The following SSBP3 variants were observed in gnomAD, a reference collection of about 807,000 sequenced individuals.
SSBP3 encodes the protein single stranded DNA binding protein 3, also known as single-stranded DNA-binding protein 3.
In SSBP3, 5 loss-of-function variants were observed where a neutral mutation model predicts 69.6. The ratio of observed to expected loss-of-function variants is 0.07; its 90% confidence interval spans 0.04 to 0.15. The LOEUF (loss-of-function observed/expected upper bound fraction) is 0.15. SSBP3 is among the 10% of genes least tolerant of loss of function. SSBP3 has a pLI of 1.00. For missense variants in SSBP3, 312 were observed against 534.0 expected, an observed-to-expected ratio of 0.58 and a Z score of 4.10; for synonymous variants, 196 against 193.4, an observed-to-expected ratio of 1.01 and a Z score of -0.11.
intron 9 of SSBP3, among the ~76,000 whole-genome samples, chr1:54,249,988 T>C (rs1402673426): frequency 6.6e-6 from 1 of 152,172 alleles, no homozygotes; most frequent in Non-Finnish European, 1.5e-5. Context: ...CCAAGGCCAC[T>C]GCTGATTTCT....
At chr1:54,305,122 T>C (rs1557514796) in intron 4 of SSBP3, among the ~76,000 whole-genome samples, 1 of 152,176 alleles carries the variant, frequency 6.6e-6, no homozygotes, top group Non-Finnish European at 1.5e-5. Flanking sequence ...CAGGGGTAAC[T>C]AACTTCAGCT....
At chr1:54,365,595 A>AGAACTGGGTGGGC (rs1647017937) in intron 4 of SSBP3, among the ~76,000 whole-genome samples, 1 of 152,168 alleles carries the variant, frequency 6.6e-6, no homozygotes, top group Non-Finnish European at 1.5e-5. Context: ...CTCAAGTCAC[A>AGAACTGGGTGGGC]GAACTGGGTG....
At chr1:54,288,292 C>A (rs747206209) in intron 4 of SSBP3, among the ~76,000 whole-genome samples, 9 of 152,166 alleles carry the variant, frequency 5.9e-5, no homozygotes, top group Non-Finnish European at 1.0e-4. Flanking sequence ...CTGATCAGGC[C>A]TTCCTGCCCC....
At chr1:54,296,094 G>A (rs1332850680) in intron 4 of SSBP3, among the ~76,000 whole-genome samples, 1 of 152,204 alleles carries the variant, frequency 6.6e-6, no homozygotes, top group African/African-American at 2.4e-5. Context: ...TGGTTCTTCT[G>A]GGACATTTCT....
exon 14 of SSBP3, chr1:54,239,198 A>C (rs765382620): frequency 1.9e-6 from 3 of 1,612,656 alleles, no homozygotes; most frequent in Non-Finnish European, 2.5e-6. Context: ...AATTTGTTGA[A>C]TCTGTAGAAC....
At chr1:54,242,645 G>C (rs375067877) in intron 10 of SSBP3, among the ~76,000 whole-genome samples, 6 of 152,144 alleles carry the variant, frequency 3.9e-5, no homozygotes, top group Middle Eastern at 3.4e-3. Context: ...ATCTGTAAGG[G>C]GGTTATAATA....
At chr1:54,269,085 G>T (rs1479502708) in intron 5 of SSBP3, among the ~76,000 whole-genome samples, 1 of 152,144 alleles carries the variant, frequency 6.6e-6, no homozygotes, top group Non-Finnish European at 1.5e-5. Flanking sequence ...CCGCCTCGTG[G>T]AATCCTTCAG....
chr1:54,314,684 G>A (rs1395147739), intron 4 of SSBP3, among the ~76,000 whole-genome samples: 1 of 152,180 alleles, frequency 6.6e-6, no homozygotes, highest in Non-Finnish European at 1.5e-5. Flanking sequence ...ACCTCAAAGG[G>A]CTCTTAAGGA....
At chr1:54,312,619 C>G (rs1194220369) in intron 4 of SSBP3, among the ~76,000 whole-genome samples, 4 of 152,174 alleles carry the variant, frequency 2.6e-5, no homozygotes, top group Non-Finnish European at 1.5e-5. Flanking sequence ...ACACTCCTTC[C>G]TTCACAGCCT....
chr1:54,286,652 A>G (rs1353027099), intron 4 of SSBP3: 3 of 152,368 alleles, frequency 2.0e-5, no homozygotes, highest in Non-Finnish European at 4.4e-5. Flanking sequence ...CCGTAAGGAC[A>G]CCTGAAAACC....
chr1:54,316,664 ATAAATAAATAAATAAATAAATAAAT>A (rs1646111699), intron 4 of SSBP3, among the ~76,000 whole-genome samples: 1 of 24,846 alleles, frequency 4.0e-5, no homozygotes, highest in Non-Finnish European at 7.4e-5. Context: ...AAAAAATAAA[ATAAATAAATAAATAAATAAATAAAT>A]AAATAAATAA....
intron 4 of SSBP3, among the ~76,000 whole-genome samples, chr1:54,371,684 T>C (rs897754362): frequency 1.3e-5 from 2 of 152,140 alleles, no homozygotes; most frequent in African/African-American, 2.4e-5. Flanking sequence ...GACACAATAA[T>C]AAAAATGACA....
rs541346867 is a variant in SSBP3 at position 54,281,388 on chromosome 1, T to C, written c.366+50A>G. On this transcript the variant is annotated intron_variant, in intron 5 of 17. Coordinates refer to ENST00000610401, the Ensembl canonical transcript of SSBP3. Reference sequence around the variant, plus strand: ...CCCGCCCTCCCACCTGCCCAGGGCCTCGGCCTGGAATACAAGGTGGAGCAC... The same window carrying C: ...CCCGCCCTCCCACCTGCCCAGGGCCCCGGCCTGGAATACAAGGTGGAGCAC... The C allele has an allele frequency of 2.0e-6, 3 of 1,473,276 alleles. No individual in the cohort carries two copies. The South Asian group carries it at 4.0e-5, about 19-fold the overall frequency. 91.3% of individuals were successfully genotyped at this position (1,473,276 alleles called of 1,614,324 possible).
intron 4 of SSBP3, among the ~76,000 whole-genome samples, chr1:54,376,432 C>T (rs959819075): frequency 5.9e-5 from 9 of 152,192 alleles, no homozygotes; most frequent in South Asian, 2.1e-4. Flanking sequence ...AACCTGAAGA[C>T]GCAGCCCTTA....
At chr1:54,354,824 G>A (rs1017148400) in intron 4 of SSBP3, among the ~76,000 whole-genome samples, 3 of 152,200 alleles carry the variant, frequency 2.0e-5, no homozygotes, top group African/African-American at 4.8e-5. Flanking sequence ...GTTAAGACAC[G>A]GTGCCTTAGG....
At chr1:54,382,187 CT>C (rs1172121600) in intron 4 of SSBP3, among the ~76,000 whole-genome samples, 2 of 152,190 alleles carry the variant, frequency 1.3e-5, no homozygotes, top group Non-Finnish European at 2.9e-5. Flanking sequence ...GAGCGAGACT[CT>C]GTCTCAAAAA....
chr1:54,240,395 T>C (rs529457091), intron 13 of SSBP3, among the ~76,000 whole-genome samples: 132 of 140,820 alleles, frequency 9.4e-4, no homozygotes, highest in African/African-American at 3.1e-3. Flanking sequence ...GAGGTGGAGA[T>C]TGCAGTGAGC....
intron 4 of SSBP3, among the ~76,000 whole-genome samples, chr1:54,324,227 A>AT (rs1017115275): frequency 9.2e-5 from 14 of 152,292 alleles, no homozygotes; most frequent in African/African-American, 3.4e-4. Context: ...AGAAGTGGGG[A>AT]TGGACTCTTT....
intron 9 of SSBP3, among the ~76,000 whole-genome samples, chr1:54,245,927 AC>A (rs1413354350): frequency 6.6e-6 from 1 of 152,226 alleles, no homozygotes; most frequent in Admixed American, 6.5e-5. Flanking sequence ...ATAAATCGTC[AC>A]AATGACCCCT....
Sources: allele counts gnomAD v4.1 joint callset (sites outside exome capture counted in the v4.1 genomes callset), GRCh38; gene constraint gnomAD v4.1.1; transcripts MANE v1.5; gene names NCBI Gene and HGNC (gene_info 2026-07-23, HGNC 2026-07-21).